CDCA5: variants seen among roughly 807,000 people sequenced by gnomAD.
CDCA5 encodes sororin.
Under a neutral mutation model 25.7 loss-of-function variants are expected in CDCA5, and 14 were observed. The ratio of observed to expected loss-of-function variants is 0.54; its 90% CI spans 0.36 to 0.85. The LOEUF (loss-of-function observed/expected upper bound fraction) is 0.85, where lower values mean the gene tolerates loss of function less well. Ranked by LOEUF, CDCA5 falls within the 40% of genes least tolerant of loss-of-function variation. The pLI is 0.01. For synonymous variants in CDCA5, 127 were observed against 128.7 expected, an observed-to-expected ratio of 0.99 and a Z score of 0.09; for missense variants, 307 against 324.5, an observed-to-expected ratio of 0.95 and a Z score of 0.41.
chr11:65,076,502 T>C (rs1947447976), downstream of CDCA5, among the ~76,000 whole-genome samples: 1 of 152,158 alleles, frequency 6.6e-6, no homozygotes, highest in African/African-American at 2.4e-5. Context: ...ACAAGATAAT[T>C]GGATCAAAAA....
At chr11:65,064,417 C>CAA (rs11318233), downstream of CDCA5, among the ~76,000 whole-genome samples, 1,260 of 86,306 alleles carry the variant, frequency 0.015, 19 homozygotes, top group Middle Eastern at 0.033. Flanking sequence ...GACTCTGTCG[C>CAA]AAAAAAAAAA....
chr11:65,073,486 G>A (rs1250835337), downstream of CDCA5, among the ~76,000 whole-genome samples: 1 of 152,156 alleles, frequency 6.6e-6, no homozygotes, highest in Non-Finnish European at 1.5e-5. Flanking sequence ...CAGACTTAAT[G>A]ACGCGGGGCT....
chr11:65,072,313 GGAGAACCACCAGGCCT>G lies in CDCA5; in HGVS notation c.64-3728_64-3713del, dbSNP rs554412602. Reference sequence around the variant, plus strand: ...CAGCCTGGTCTAGGCCCATGTGTTGGGAGAACCACCAGGCCTGAGCCAAAGCCTCATCTGAAAGGGT... The same window carrying G: ...CAGCCTGGTCTAGGCCCATGTGTTGGGAGCCAAAGCCTCATCTGAAAGGGT... On this transcript the variant is annotated intron_variant, in intron 1 of 6. Coordinates refer to the CDCA5 transcript ENST00000525464. 5.9e-5 allele frequency among the ~76,000 whole-genome samples: 9 copies of G among 152,336 alleles called. No homozygotes were observed. In the East Asian group the frequency reaches 1.7e-3, roughly 29 times the overall value.
chr11:65,066,707 T>C (rs1216940295), intron 5 of CDCA5: 2 of 1,287,470 alleles, frequency 1.6e-6, no homozygotes, highest in Non-Finnish European at 2.0e-6. Context: ...GGGCTCGAGG[T>C]GGGTAGCCAG....
chr11:65,061,508 C>G (rs898775850), downstream of CDCA5, among the ~76,000 whole-genome samples: 1 of 152,186 alleles, frequency 6.6e-6, no homozygotes, highest in African/African-American at 2.4e-5. Flanking sequence ...GGCGCGGTGG[C>G]TCACGCCTAT....
chr11:65,083,840 C>T, intron 1 of CDCA5, 93 bp downstream of exon 1: 3 of 1,590,816 alleles, frequency 1.9e-6, no homozygotes, highest in African/African-American at 1.3e-5. Context: ...GCGCCTCCTC[C>T]GGCGGCGGCA....
chr11:65,079,225 G>A (rs943818184), intron 5 of CDCA5, 38 bp from the exon 6 acceptor site: 4 of 1,555,950 alleles, frequency 2.6e-6, no homozygotes, highest in Non-Finnish European at 3.5e-6. Context: ...GAGTGAGAAG[G>A]GAACATGGTG....
At position 65,079,696 on chromosome 11, in the gene CDCA5, G is replaced by A. The variant is rs2137129132; in HGVS notation, c.335C>T (p.Pro112Leu). The A allele has an allele frequency of 1.3e-6, 2 of 1,578,648 alleles. No homozygotes were observed. Among genetic ancestry groups the A allele is most frequent in the Non-Finnish European group, 1.7e-6 (2 of 1,161,146 alleles). The part of the protein sequence containing the change: ...LFKTHSVPAT[P>L]TSTPVPNPEA... ...AGGGTTCGGCACAGGAGTGCTGGTG[G>A]GGGTGGCAGGGACGCTGTGTGTCTT... The change falls in exon 5 of 6, where the codon CCC (proline) becomes CTC (leucine). Residue 112 changes from proline to leucine, a missense_variant. Transcript: ENST00000275517.
chr11:65,078,296 C>T lies in CDCA5; in HGVS notation c.*811G>A. On this transcript the variant is annotated 3_prime_UTR_variant, in exon 6 of 6. Transcript: ENST00000275517. ...GAGTGGTAAGACTCCAGCGTGGGCC[C>T]TGTGCAAGGGACCAGCCCAGAGGCC... 2.0e-6 allele frequency: 2 copies of T among 985,516 alleles called. No homozygotes were observed. Among genetic ancestry groups the T allele is most frequent in the Non-Finnish European group, 2.4e-6 (2 of 829,960 alleles). 61.0% of individuals were successfully genotyped at this position (985,516 alleles called of 1,614,324 possible).
chr11:65,081,242 T>C (rs1472016724), intron 4 of CDCA5, among the ~76,000 whole-genome samples: 1 of 152,022 alleles, frequency 6.6e-6, no homozygotes, highest in African/African-American at 2.4e-5. Flanking sequence ...CTGGCCAACA[T>C]AGTGAAACCC....
intron 1 of CDCA5, among the ~76,000 whole-genome samples, chr11:65,071,565 G>A (rs111241119): frequency 0.059 from 8,889 of 151,928 alleles, 345 homozygotes; most frequent in African/African-American, 0.092. Flanking sequence ...CGCCTGCCTC[G>A]GCCTCCCAAA....
chr11:65,069,887 G>A (rs373279035), intron 1 of CDCA5, among the ~76,000 whole-genome samples: 27 of 152,362 alleles, frequency 1.8e-4, no homozygotes, highest in East Asian at 1.3e-3. Context: ...CTGGTTCTGC[G>A]CAGAAGTTTC....
intron 1 of CDCA5, among the ~76,000 whole-genome samples, chr11:65,069,867 T>C (rs769598064): frequency 1.3e-5 from 2 of 152,222 alleles, no homozygotes; most frequent in Non-Finnish European, 2.9e-5. Flanking sequence ...AACATATAGA[T>C]GGACACAACC....
downstream of CDCA5, among the ~76,000 whole-genome samples, chr11:65,076,152 G>C (rs893606626): frequency 9.9e-5 from 15 of 152,226 alleles, no homozygotes; most frequent in African/African-American, 3.6e-4. Flanking sequence ...TCTTTACTCT[G>C]TTGCCCAGAC....
chr11:65,066,494 A>G (rs1395785785), intron 6 of CDCA5: 2 of 1,288,876 alleles, frequency 1.6e-6, no homozygotes, highest in Non-Finnish European at 2.0e-6. Flanking sequence ...AGACAGCTCG[A>G]GTGAGCAGCA....
intron 1 of CDCA5, among the ~76,000 whole-genome samples, chr11:65,069,133 G>A (rs902665956): frequency 6.6e-6 from 1 of 151,720 alleles, no homozygotes; most frequent in Non-Finnish European, 1.5e-5. Flanking sequence ...TCAGCCACTT[G>A]GGAGGCCGAG....
chr11:65,069,822 T>C (rs1947306536), intron 1 of CDCA5, among the ~76,000 whole-genome samples: 1 of 152,242 alleles, frequency 6.6e-6, no homozygotes, highest in Non-Finnish European at 1.5e-5. Context: ...CGCTTACTGG[T>C]CCCTGTAAAC....
rs993672190 is a variant in CDCA5 at position 65,077,865 on chromosome 11, T to G, written c.*1242A>C. ...ATTCTCTGTTATCCACCAGCTCCTC[T>G]GCACACCTCAGCGTCTACTTCCACG... On this transcript the variant is annotated 3_prime_UTR_variant, in exon 6 of 6. Coordinates refer to ENST00000275517, the MANE Select transcript of CDCA5 (RefSeq NM_080668.4). The G allele has an allele frequency of 6.1e-6, 6 of 985,668 alleles. No individual in the cohort carries two copies. In the African/African-American group the frequency reaches 1.0e-4, roughly 17 times the overall value. The allele number at this position is 985,668 out of a possible 1,614,324, so 61.1% of individuals were successfully genotyped here.
downstream of CDCA5, among the ~76,000 whole-genome samples, chr11:65,075,292 G>A (rs1341166104): frequency 5.3e-5 from 8 of 152,052 alleles, no homozygotes; most frequent in African/African-American, 1.9e-4. Context: ...AGCTACTTGG[G>A]AGGCTGAGGC....
Sources: allele counts gnomAD v4.1 joint callset (sites outside exome capture counted in the v4.1 genomes callset), GRCh38; gene constraint gnomAD v4.1.1; transcripts MANE v1.5; gene names NCBI Gene and HGNC (gene_info 2026-07-23, HGNC 2026-07-21).